AFAP1L2: variants seen among roughly 807,000 people sequenced by gnomAD.
AFAP1L2 encodes the protein actin filament-associated protein 1-like 2.
A neutral mutation model predicts 99.3 loss-of-function variants in AFAP1L2; 46 were observed. That is an observed-to-expected ratio of 0.46 (90% CI 0.37 to 0.59). AFAP1L2 has a LOEUF of 0.59. Among genes scored for constraint, AFAP1L2 ranks in the 20% least tolerant of loss-of-function variants. The pLI is 0.00. For missense variants in AFAP1L2, 959 were observed against 1,034.9 expected (o/e 0.93, Z 1.01); for synonymous variants, 397 against 419.1 (o/e 0.95, Z 0.64).
chr10:114,319,430 G>A (rs528830610), intron 5 of AFAP1L2: 7 of 615,932 alleles, frequency 1.1e-5, no homozygotes, highest in East Asian at 1.4e-4. Flanking sequence ...GATCGCACGT[G>A]GCATGCAAGT....
intron 1 of AFAP1L2, among the ~76,000 whole-genome samples, chr10:114,387,534 C>CG (rs2056654654): frequency 3.9e-5 from 6 of 152,178 alleles, no homozygotes; most frequent in Admixed American, 3.9e-4. Context: ...GCTAGCACTA[C>CG]GGGGCTCTGA....
chr10:114,370,477 T>A (rs1590652740), intron 1 of AFAP1L2, among the ~76,000 whole-genome samples: 1 of 152,220 alleles, frequency 6.6e-6, no homozygotes, highest in Non-Finnish European at 1.5e-5. Context: ...CCATTCACAG[T>A]TGTATCCTAG....
chr10:114,339,319 C>T (rs1265136459), intron 2 of AFAP1L2, among the ~76,000 whole-genome samples: 5 of 151,986 alleles, frequency 3.3e-5, no homozygotes, highest in Non-Finnish European at 7.4e-5. Context: ...CAGTGGCGGG[C>T]GCCTGTAGTC....
chr10:114,403,238 T>A (rs1332237022), intron 1 of AFAP1L2, among the ~76,000 whole-genome samples: 1 of 152,218 alleles, frequency 6.6e-6, no homozygotes, highest in Admixed American at 6.5e-5. Flanking sequence ...CAAAGACCCT[T>A]CCTGAATATA....
At chr10:114,307,464 T>C (rs1018467340) in intron 10 of AFAP1L2, among the ~76,000 whole-genome samples, 1 of 151,882 alleles carries the variant, frequency 6.6e-6, no homozygotes, top group Non-Finnish European at 1.5e-5. Flanking sequence ...GTACTGTGCC[T>C]GCCATCCTTC....
In AFAP1L2 at chr10:114,400,277, T is replaced by A. The variant is rs143021358; in HGVS notation, c.16+4163A>T. On this transcript the variant is annotated intron_variant, in intron 1 of 18. Coordinates refer to ENST00000304129, the MANE Select transcript of AFAP1L2 (RefSeq NM_001001936.3). ...CTGGAAGCAGCCCAGCTCGCAGGGCTCCTACCCCTTCAGAAGAGAGGAAGG... is the reference window on the plus strand; with the variant it reads ...CTGGAAGCAGCCCAGCTCGCAGGGCACCTACCCCTTCAGAAGAGAGGAAGG... Among the ~76,000 whole-genome samples, 535 of 152,318 alleles carry A rather than the reference T, an allele frequency of 3.5e-3. 14 individuals carry two copies. The East Asian group carries it at 0.05, about 14-fold the overall frequency.
At chr10:114,337,629 G>A (rs1037360323) in intron 2 of AFAP1L2, among the ~76,000 whole-genome samples, 2 of 152,094 alleles carry the variant, frequency 1.3e-5, no homozygotes, top group African/African-American at 2.4e-5. Flanking sequence ...TATAAGAGCC[G>A]ATCAAGGGCA....
intron 4 of AFAP1L2, among the ~76,000 whole-genome samples, chr10:114,327,139 A>ATATATATTTATATT (rs2046400085): frequency 2.2e-5 from 1 of 45,442 alleles, no homozygotes; most frequent in African/African-American, 6.1e-5. Flanking sequence ...CGTGAATTTT[A>ATATATATTTATATT]TATATATTTA....
chr10:114,282,251 A>G, the AFAP1L2 span, among the ~76,000 whole-genome samples: 1 of 151,932 alleles, frequency 6.6e-6, no homozygotes, highest in Non-Finnish European at 1.5e-5. Context: ...TGATTTGCCT[A>G]CCTTGGCCTC....
chr10:114,357,243 C>T (rs1383509981), intron 1 of AFAP1L2, among the ~76,000 whole-genome samples: 1 of 152,192 alleles, frequency 6.6e-6, no homozygotes, highest in African/African-American at 2.4e-5. Context: ...CTCGGATCCT[C>T]ACCTCCCTGC....
At chr10:114,370,120 C>A (rs1026917183) in intron 1 of AFAP1L2, among the ~76,000 whole-genome samples, 2 of 152,192 alleles carry the variant, frequency 1.3e-5, no homozygotes, top group Non-Finnish European at 2.9e-5. Flanking sequence ...CCAAAATACT[C>A]CAAATACTGT....
At chr10:114,373,201 C>A (rs1590677235) in intron 1 of AFAP1L2, among the ~76,000 whole-genome samples, 1 of 152,092 alleles carries the variant, frequency 6.6e-6, no homozygotes, top group African/African-American at 2.4e-5. Flanking sequence ...CACGATCATG[C>A]CGCTGCACTC....
In AFAP1L2 at chr10:114,299,039, T is replaced by C. The variant is rs565442813; in HGVS notation, c.2113+221A>G. Among the ~76,000 whole-genome samples, 10 of 152,336 alleles carry C rather than the reference T, an allele frequency of 6.6e-5. No homozygotes were observed. The East Asian group carries it at 1.7e-3, about 26-fold the overall frequency. On this transcript the variant is annotated intron_variant, in intron 16 of 18. Coordinates refer to ENST00000304129, the MANE Select transcript of AFAP1L2 (RefSeq NM_001001936.3). ...CTTTTACGATGACCTGCTGGTCCTATTGATGTTCCGTCAGAGGCTTTCTCT... is the reference window on the plus strand; with the variant it reads ...CTTTTACGATGACCTGCTGGTCCTACTGATGTTCCGTCAGAGGCTTTCTCT...
intron 1 of AFAP1L2, among the ~76,000 whole-genome samples, chr10:114,347,833 T>G (rs2049831888): frequency 6.6e-6 from 1 of 152,168 alleles, no homozygotes; most frequent in Non-Finnish European, 1.5e-5. Context: ...ACAGATAATA[T>G]AAAATTTACT....
In AFAP1L2 at chr10:114,392,696, CATTTGGGGAGAAT is replaced by C. The variant is rs1380930377; in HGVS notation, c.16+11731_16+11743del. ...TCATAATGGTAATTTTTTTAAAAGC[CATTTGGGGAGAAT>C]ATTTGCTGCAAGCTATGTGACCACC... On this transcript the variant is annotated intron_variant, in intron 1 of 18. Transcript: ENST00000304129. 7.2e-5 allele frequency among the ~76,000 whole-genome samples: 11 copies of C among 152,306 alleles called. No individual in the cohort carries two copies. In the East Asian group the frequency reaches 2.1e-3, roughly 29 times the overall value.
chr10:114,315,659 C>T lies in AFAP1L2; in HGVS notation c.513G>A (p.Glu171=). The T allele has an allele frequency of 6.2e-7, 1 of 1,613,944 alleles. No individual in the cohort carries two copies. Among genetic ancestry groups the T allele is most frequent in the East Asian group, 2.2e-5 (1 of 44,882 alleles). Residue 171 remains glutamate, a synonymous_variant, in exon 6 of 19, where the codon GAG becomes GAA. Transcript: ENST00000304129. ...CGCAGATGCGGGCGTCACGCATCAG[C>T]TCGATGCCGGCCTCCGGCGAGGGCC... ...YQWPSPEAGI[E]LMRDARICAF... is the part of the protein sequence containing the mutation.
the AFAP1L2 span, chr10:114,285,968 G>C: frequency 6.2e-7 from 1 of 1,607,940 alleles, no homozygotes; most frequent in Non-Finnish European, 8.5e-7. Context: ...ATGCAGGGTC[G>C]ACCTCCTCTT....
chr10:114,282,574 A>G, the AFAP1L2 span: 2 of 1,613,602 alleles, frequency 1.2e-6, no homozygotes, highest in Non-Finnish European at 1.7e-6. Flanking sequence ...CTGCCCAGGT[A>G]TGGTCTGTCT....
intron 2 of AFAP1L2, among the ~76,000 whole-genome samples, chr10:114,333,816 G>GA (rs1159016057): frequency 6.6e-6 from 1 of 151,706 alleles, no homozygotes; most frequent in Non-Finnish European, 1.5e-5. Context: ...ATCTTAAAAA[G>GA]AAAAAAAGAA....
Sources: allele counts gnomAD v4.1 joint callset (sites outside exome capture counted in the v4.1 genomes callset), GRCh38; gene constraint gnomAD v4.1.1; transcripts MANE v1.5; gene names NCBI Gene and HGNC (gene_info 2026-07-23, HGNC 2026-07-21).